GALNT13: variants seen among roughly 807,000 people sequenced by gnomAD.
GALNT13 encodes the protein UDP-GalNAc:polypeptide N-acetylgalactosaminyltransferase 13.
In GALNT13, 28 loss-of-function variants were observed where a neutral mutation model predicts 64.2. The observed-to-expected ratio is 0.44, with a 90% CI of 0.32 to 0.60. The LOEUF is 0.60. GALNT13 is among the 20% of genes least tolerant of loss of function. The pLI is 0.05. For missense variants in GALNT13, 577 were observed against 669.8 expected (o/e 0.86, Z 1.53); for synonymous variants, 214 against 224.6 (o/e 0.95, Z 0.42).
chr2:153,308,170 T>C, the GALNT13 span, among the ~76,000 whole-genome samples: 1 of 152,154 alleles, frequency 6.6e-6, no homozygotes, highest in African/African-American at 2.4e-5. Flanking sequence ...ACTGACAAGT[T>C]CTTAATAAAA....
chr2:153,445,299 A>C, the GALNT13 span, among the ~76,000 whole-genome samples: 1 of 152,210 alleles, frequency 6.6e-6, no homozygotes, highest in Admixed American at 6.5e-5. Flanking sequence ...CAGAACCATA[A>C]GTTGCCCCAT....
the GALNT13 span, among the ~76,000 whole-genome samples, chr2:153,498,160 A>G: frequency 6.6e-6 from 1 of 152,214 alleles, no homozygotes; most frequent in African/African-American, 2.4e-5. Flanking sequence ...GTGTGTAGGA[A>G]ACAGCATTTT....
the GALNT13 span, among the ~76,000 whole-genome samples, chr2:153,328,479 C>T: frequency 6.6e-6 from 1 of 152,194 alleles, no homozygotes; most frequent in Non-Finnish European, 1.5e-5. Context: ...GGGCTGCTGC[C>T]TTTCTTTCAG....
At chr2:153,843,890 T>A in the GALNT13 span, among the ~76,000 whole-genome samples, 1 of 152,182 alleles carries the variant, frequency 6.6e-6, no homozygotes, top group South Asian at 2.1e-4. Flanking sequence ...ATGTACCACA[T>A]CCAGAGCATA....
chr2:153,769,605 T>A, the GALNT13 span, among the ~76,000 whole-genome samples: 2 of 152,220 alleles, frequency 1.3e-5, no homozygotes, highest in African/African-American at 4.8e-5. Flanking sequence ...CTGAGCTTCT[T>A]GTATCTGAAT....
At chr2:154,444,895 G>A (rs1185285660) in intron 12 of GALNT13, among the ~76,000 whole-genome samples, 1 of 151,856 alleles carries the variant, frequency 6.6e-6, no homozygotes, top group Non-Finnish European at 1.5e-5. Context: ...TAGTATGTTT[G>A]TAGATTATTT....
At chr2:153,953,880 G>T (rs761318531) in intron 3 of GALNT13, among the ~76,000 whole-genome samples, 16 of 152,056 alleles carry the variant, frequency 1.1e-4, no homozygotes, top group Non-Finnish European at 2.4e-4. Flanking sequence ...TGGAATTGCT[G>T]ACCAATGACT....
intron 11 of GALNT13, among the ~76,000 whole-genome samples, chr2:154,426,281 C>G (rs1372367601): frequency 1.3e-5 from 2 of 152,234 alleles, no homozygotes; most frequent in African/African-American, 2.4e-5. Flanking sequence ...TGCCATGTAG[C>G]TCTCTCCAAA....
At chr2:154,037,310 G>C (rs1698716461) in intron 3 of GALNT13, among the ~76,000 whole-genome samples, 1 of 152,032 alleles carries the variant, frequency 6.6e-6, no homozygotes, top group Non-Finnish European at 1.5e-5. Flanking sequence ...ATTGCCCATG[G>C]TAGTACAATT....
chr2:153,803,052 A>G, the GALNT13 span, among the ~76,000 whole-genome samples: 2 of 152,164 alleles, frequency 1.3e-5, no homozygotes, highest in South Asian at 2.1e-4. Context: ...ATTACATTCA[A>G]CTGAAGATTC....
chr2:154,043,022 G>C (rs986008947), intron 3 of GALNT13, among the ~76,000 whole-genome samples: 15 of 151,924 alleles, frequency 9.9e-5, no homozygotes, highest in African/African-American at 3.6e-4. Context: ...GCCTTTTGAG[G>C]AAGTTTCACT....
At chr2:153,094,641 T>C in the GALNT13 span, among the ~76,000 whole-genome samples, 1 of 152,272 alleles carries the variant, frequency 6.6e-6, no homozygotes, top group Admixed American at 6.5e-5. Flanking sequence ...CAAACTATAC[T>C]ACAAGGCTAC....
At chr2:154,114,400 C>A (rs1400889058) in intron 3 of GALNT13, among the ~76,000 whole-genome samples, 1 of 152,172 alleles carries the variant, frequency 6.6e-6, no homozygotes, top group Non-Finnish European at 1.5e-5. Flanking sequence ...ATTACCTGAT[C>A]TCCACAAGTT....
the GALNT13 span, among the ~76,000 whole-genome samples, chr2:153,537,688 C>A: frequency 1.8e-4 from 28 of 152,146 alleles, no homozygotes; most frequent in Non-Finnish European, 1.3e-4. Flanking sequence ...GCAGCTCCCC[C>A]ATGCTGTTCT....
At chr2:154,155,814 A>C (rs2105645206) in intron 4 of GALNT13, among the ~76,000 whole-genome samples, 1 of 152,048 alleles carries the variant, frequency 6.6e-6, no homozygotes, top group African/African-American at 2.4e-5. Context: ...TTTGTTCATT[A>C]AGAATATTGA....
chr2:153,903,670 G>A (rs1468918819), intron 2 of GALNT13, among the ~76,000 whole-genome samples: 1 of 151,822 alleles, frequency 6.6e-6, no homozygotes, highest in African/African-American at 2.4e-5. Flanking sequence ...CACCTAAATG[G>A]CTCTTGGTAG....
intron 4 of GALNT13, among the ~76,000 whole-genome samples, chr2:154,214,130 C>T (rs925828907): frequency 8.5e-5 from 13 of 152,050 alleles, no homozygotes; most frequent in Non-Finnish European, 1.8e-4. Flanking sequence ...CTTGTGAATC[C>T]ACTGTAAGAT....
the GALNT13 span, among the ~76,000 whole-genome samples, chr2:153,650,543 C>G: frequency 6.6e-6 from 1 of 152,132 alleles, no homozygotes; most frequent in South Asian, 2.1e-4. Context: ...TTAGTTGATG[C>G]AGTTTCTTCC....
intron 9 of GALNT13, among the ~76,000 whole-genome samples, chr2:154,342,371 C>G (rs567662837): frequency 1.3e-5 from 2 of 152,128 alleles, no homozygotes; most frequent in South Asian, 4.2e-4. Flanking sequence ...AAACTGTAAA[C>G]ATTAATCTTA....
Sources: gnomAD v4.1 joint callset for allele counts (sites outside exome capture counted in the v4.1 genomes callset) on GRCh38, gnomAD v4.1.1 for gene constraint, MANE v1.5 for transcripts, NCBI Gene and HGNC (gene_info 2026-07-23, HGNC 2026-07-21) for gene names.